Variants in SOCS5 observed in about 807,000 individuals in gnomAD.
The protein encoded by SOCS5 is CIS-6.
In SOCS5, 32 loss-of-function variants were observed where a neutral mutation model predicts 42.8. The ratio of observed to expected loss-of-function variants is 0.75; its 90% CI spans 0.56 to 1.01. SOCS5 has a LOEUF of 1.01. Ranked by LOEUF, SOCS5 falls within the 50% of genes least tolerant of loss-of-function variation. The probability of loss-of-function intolerance (pLI) is 0.00; values close to 1 mark genes in which losing one functional copy is unlikely to be tolerated. For missense variants in SOCS5, 627 were observed against 653.0 expected (o/e 0.96, Z 0.43); for synonymous variants, 283 against 229.6 (o/e 1.23, Z -2.10).
intron 1 of SOCS5, among the ~76,000 whole-genome samples, chr2:46,723,340 G>A (rs1301958393): frequency 6.6e-6 from 1 of 150,774 alleles, no homozygotes; most frequent in Non-Finnish European, 1.5e-5. Flanking sequence ...AAGGTCTTCT[G>A]AAGTTTAGGT....
intron 1 of SOCS5, among the ~76,000 whole-genome samples, chr2:46,713,993 G>A (rs528551514): frequency 2.2e-4 from 33 of 152,144 alleles, no homozygotes; most frequent in Admixed American, 7.2e-4. Flanking sequence ...ATTTAATGCC[G>A]TGGTGATCAG....
chr2:46,758,645 T>C lies in SOCS5; in HGVS notation c.115T>C (p.Ser39Pro). Residue 39 changes from serine to proline, a missense_variant, in exon 2 of 2, where the codon TCT (serine) becomes CCT (proline). Ser to Pro is a moderately conservative substitution (Grantham distance 74). Transcript: ENST00000394861. ...GGACATGAACTCCAACAGATGTTTG[T>C]CTGTCAAAGAGAAAAACATCAGCAT... ...NVDMNSNRCL[S>P]VKEKNISIGD... is the part of the protein sequence containing the mutation. The C allele has an allele frequency of 6.2e-7, 1 of 1,614,134 alleles. No homozygotes were observed. Among genetic ancestry groups the C allele is most frequent in the South Asian group, 1.1e-5 (1 of 91,084 alleles).
At chr2:46,727,437 A>G (rs1047143145) in intron 1 of SOCS5, among the ~76,000 whole-genome samples, 5 of 152,070 alleles carry the variant, frequency 3.3e-5, no homozygotes, top group Non-Finnish European at 5.9e-5. Flanking sequence ...GGCATCTTCA[A>G]TATTACATTA....
chr2:46,731,488 A>G (rs1344283893), intron 1 of SOCS5, among the ~76,000 whole-genome samples: 1 of 152,224 alleles, frequency 6.6e-6, no homozygotes, highest in African/African-American at 2.4e-5. Context: ...ACTAATACTA[A>G]GACAAGGACC....
chr2:46,741,835 G>C (rs1442522688), intron 1 of SOCS5, among the ~76,000 whole-genome samples: 1 of 152,002 alleles, frequency 6.6e-6, no homozygotes, highest in African/African-American at 2.4e-5. Flanking sequence ...TATAACTAAT[G>C]CTATGATGAA....
In SOCS5 at chr2:46,758,950, A is replaced by G. The variant is rs1673793703; in HGVS notation, c.420A>G (p.Lys140=). ...CCCAGAGTTCATTGGATGCTGATAAAAAGTTTGGTAGAACTCGAAGTGGAC... is the reference window on the plus strand; with the variant it reads ...CCCAGAGTTCATTGGATGCTGATAAGAAGTTTGGTAGAACTCGAAGTGGAC... ...TKTQSSLDAD[K]KFGRTRSGLQ... Residue 140 remains lysine (K), a synonymous_variant, in exon 2 of 2, where the codon AAA becomes AAG. Transcript: ENST00000394861. 1 of 1,613,872 alleles carries G rather than the reference A, an allele frequency of 6.2e-7. No homozygotes were observed. Among genetic ancestry groups the G allele is most frequent in the Non-Finnish European group, 8.5e-7 (1 of 1,179,860 alleles).
chr2:46,721,136 C>T (rs1448829401), intron 1 of SOCS5, among the ~76,000 whole-genome samples: 2 of 152,128 alleles, frequency 1.3e-5, no homozygotes, highest in Non-Finnish European at 2.9e-5. Flanking sequence ...CTTTGTATTG[C>T]AGTGCCTCTC....
At chr2:46,752,446 A>G (rs1018692096) in intron 1 of SOCS5, among the ~76,000 whole-genome samples, 6 of 152,114 alleles carry the variant, frequency 3.9e-5, no homozygotes, top group African/African-American at 7.2e-5. Flanking sequence ...ACCCTTCCCC[A>G]TAATAGGCAA....
At chr2:46,726,441 T>C (rs1435920237) in intron 1 of SOCS5, among the ~76,000 whole-genome samples, 1 of 152,204 alleles carries the variant, frequency 6.6e-6, no homozygotes, top group African/African-American at 2.4e-5. Context: ...TTCTAGAATC[T>C]GATATACACT....
chr2:46,714,540 A>G (rs1366357836), intron 1 of SOCS5, among the ~76,000 whole-genome samples: 1 of 152,196 alleles, frequency 6.6e-6, no homozygotes, highest in Non-Finnish European at 1.5e-5. Context: ...GATTTCTTGT[A>G]GAGAATGTGT....
intron 1 of SOCS5, among the ~76,000 whole-genome samples, chr2:46,735,221 A>G (rs1572840478): frequency 6.6e-6 from 1 of 152,150 alleles, no homozygotes; most frequent in East Asian, 1.9e-4. Context: ...CCACGAAGTA[A>G]TTTTCAGCTC....
intron 1 of SOCS5, among the ~76,000 whole-genome samples, chr2:46,704,553 A>C (rs1672418909): frequency 6.6e-6 from 1 of 152,208 alleles, no homozygotes. Flanking sequence ...TGAATACCAC[A>C]GGTTGGCACG....
At chr2:46,736,496 A>G (rs1293773801) in intron 1 of SOCS5, among the ~76,000 whole-genome samples, 1 of 152,096 alleles carries the variant, frequency 6.6e-6, no homozygotes, top group Non-Finnish European at 1.5e-5. Context: ...TCCTCTCCGC[A>G]GCCCCTGGAA....
rs184325268 is a variant in SOCS5 at position 46,699,958 on chromosome 2, C to G, written c.-13+509C>G. On this transcript the variant is annotated intron_variant, in intron 1 of 1. Transcript: ENST00000394861. The surrounding 1 kb of genome is among the most constrained non-coding windows in gnomAD (Gnocchi z 4.8). ...ATCCTCTTGGGGATGAGGGAGGGAA[C>G]CAATGAGTACATATGTGGGAAATGA... Among the ~76,000 whole-genome samples, 3 of 152,154 alleles carry G rather than the reference C, an allele frequency of 2.0e-5. No homozygotes were observed. The highest frequency in any genetic ancestry group is 2.9e-5 in the Non-Finnish European group (2 of 68,012).
intron 1 of SOCS5, among the ~76,000 whole-genome samples, chr2:46,746,581 G>A (rs750529693): frequency 3.8e-4 from 58 of 151,640 alleles, no homozygotes; most frequent in Non-Finnish European, 6.8e-4. Context: ...AACCTGAGAG[G>A]TAGAGGTTGC....
At chr2:46,713,363 A>G (rs759593270) in intron 1 of SOCS5, among the ~76,000 whole-genome samples, 1 of 152,200 alleles carries the variant, frequency 6.6e-6, no homozygotes, top group African/African-American at 2.4e-5. Flanking sequence ...GTCTAAAACA[A>G]ATGTAAGACT....
At chr2:46,726,738 AATTATT>A (rs111456718) in intron 1 of SOCS5, among the ~76,000 whole-genome samples, 11,334 of 145,366 alleles carry the variant, frequency 0.078, 482 homozygotes, top group Middle Eastern at 0.13. Flanking sequence ...TTCAGTTCTA[AATTATT>A]ATTATTATTA....
rs1673895416 is a variant in SOCS5 at position 46,762,674 on chromosome 2, C to A, written c.*2533C>A. 6.0e-6 allele frequency: 1 copy of A among 166,204 alleles called. No homozygotes were observed. The highest frequency in any genetic ancestry group is 1.5e-5 in the Non-Finnish European group (1 of 68,086). The allele number at this position is 166,204 out of a possible 1,614,324, so 10.3% of individuals were successfully genotyped here. A position where few individuals can be genotyped will look rare whatever the true frequency, so the allele number is the denominator to read the frequency against. On this transcript the variant is annotated 3_prime_UTR_variant, in exon 2 of 2. Coordinates refer to ENST00000394861, the MANE Select transcript of SOCS5 (RefSeq NM_144949.3). ...CACCAGCATGAACTTGCACCTAAGT[C>A]TATATTCACTGTGTCCTTTTCTGAA...
intron 1 of SOCS5, among the ~76,000 whole-genome samples, chr2:46,747,346 G>A (rs1673525591): frequency 6.6e-6 from 1 of 151,978 alleles, no homozygotes; most frequent in East Asian, 1.9e-4. Context: ...TCAGCCTCCA[G>A]AGTAACTGGA....
Sources: allele counts gnomAD v4.1 joint callset (sites outside exome capture counted in the v4.1 genomes callset), GRCh38; gene constraint gnomAD v4.1.1; non-coding constraint Gnocchi (gnomAD v3.1); transcripts MANE v1.5; gene names NCBI Gene and HGNC (gene_info 2026-07-23, HGNC 2026-07-21).